TBATA: variants seen among roughly 807,000 people sequenced by gnomAD.
TBATA encodes thymus, brain and testes associated.
In TBATA, 47 loss-of-function variants were observed where a neutral mutation model predicts 38.7. The ratio of observed to expected loss-of-function variants is 1.21; its 90% CI spans 0.96 to 1.55. TBATA has a LOEUF of 1.55. Among genes scored for constraint, TBATA ranks in the 40% most tolerant of loss-of-function variants. TBATA has a pLI of 0.00. For missense variants in TBATA, 436 were observed against 435.6 expected (o/e 1.00, Z -0.01); for synonymous variants, 183 against 170.5 (o/e 1.07, Z -0.57).
chr10:70,779,480 C>A lies in TBATA; in HGVS notation c.427+113G>T. 2.4e-6 allele frequency: 3 copies of A among 1,248,348 alleles called. No individual in the cohort carries two copies. In the South Asian group the frequency reaches 6.9e-5, roughly 29 times the overall value. 77.3% of individuals were successfully genotyped at this position (1,248,348 alleles called of 1,614,324 possible). ...GAAAAAGTGGGGTTCCCCCAACGGA[C>A]CTCACTGACCTAAGAGCGATGGCCC... On this transcript the variant is annotated intron_variant, in intron 5 of 10. Transcript: ENST00000456372.
At chr10:70,774,608 C>T (rs543304629) in intron 8 of TBATA, among the ~76,000 whole-genome samples, 1 of 152,242 alleles carries the variant, frequency 6.6e-6, no homozygotes, top group Non-Finnish European at 1.5e-5. Flanking sequence ...GCCCTCCTGC[C>T]CACCATATCC....
chr10:70,771,728 G>T (rs1589361098), intron 10 of TBATA, among the ~76,000 whole-genome samples: 1 of 152,262 alleles, frequency 6.6e-6, no homozygotes, highest in East Asian at 1.9e-4. Flanking sequence ...GACCTTTGAT[G>T]GTCTAATCAG....
chr10:70,778,749 A>T (rs1474187403), intron 5 of TBATA, 113 bp from the exon 6 acceptor site: 4 of 929,476 alleles, frequency 4.3e-6, no homozygotes, highest in African/African-American at 3.2e-5. Flanking sequence ...CCCTGCCTGG[A>T]TCTTAAAGGG....
At position 70,774,364 on chromosome 10, in the gene TBATA, G is replaced by A. The variant is rs1843115334; in HGVS notation, c.776-7C>T. ...CCCAGAGCGAGGTCTTTTTCTGAAA[G>A]CACAGCCCGGGGGCAGTGTCCTCAG... On this transcript the variant is annotated splice_polypyrimidine_tract_variant and splice_region_variant and intron_variant, in intron 8 of 10. Transcript: ENST00000456372. 2.5e-6 allele frequency: 4 copies of A among 1,580,834 alleles called. No individual in the cohort carries two copies. The highest frequency in any genetic ancestry group is 1.3e-5 in the African/African-American group (1 of 74,666).
intron 10 of TBATA, among the ~76,000 whole-genome samples, 169 bp from the exon 11 acceptor site, chr10:70,771,630 C>T (rs190794305): frequency 1.3e-5 from 2 of 152,292 alleles, no homozygotes; most frequent in African/African-American, 4.8e-5. Context: ...AGGAATGGAG[C>T]GAATGGAATC....
rs375590189 is a variant in TBATA, at chr10:70,775,234, A to G, written c.730T>C (p.Leu244=). The change falls in exon 8 of 11, where the codon TTG becomes CTG. Residue 244 remains leucine (L), a synonymous_variant. Transcript: ENST00000456372. ...AGCCAGAACTGGATTGCGCTTAGCA[A>G]GTCTGTTTCCAGGATCCGACACAGG... is the stretch of plus-strand genomic sequence containing the variant. ...ELLCRILETD[L]LSAIQFWLLY... is the part of the protein sequence containing the mutation. 3.8e-5 allele frequency: 61 copies of G among 1,614,048 alleles called. No individual in the cohort carries two copies. Among genetic ancestry groups the G allele is most frequent in the Non-Finnish European group, 5.1e-5 (60 of 1,180,008 alleles).
chr10:70,783,359 CA>C lies in TBATA; in HGVS notation c.20del (p.Leu7TrpfsTer6), dbSNP rs527705303. The part of the protein sequence containing the change: MATDVQ[L>X]ADYPLMSPKA... ...CTCACCTCATCAGTGGATAATCAGC[CA>C]ATTGAACATCTGTAGCCATTGTATG... is the stretch of plus-strand genomic sequence containing the variant. On this transcript the variant is annotated frameshift_variant, in exon 3 of 11. Coordinates refer to ENST00000456372, the MANE Select transcript of TBATA (RefSeq NM_001318241.2). LOFTEE classifies it high-confidence loss of function. 41 of 1,614,142 alleles carry C rather than the reference CA, an allele frequency of 2.5e-5. No homozygotes were observed. The South Asian group carries it at 4.2e-4, about 16-fold the overall frequency.
At chr10:70,772,828 G>T (rs577302565) in intron 9 of TBATA, among the ~76,000 whole-genome samples, 1 of 152,310 alleles carries the variant, frequency 6.6e-6, no homozygotes, top group East Asian at 1.9e-4. Flanking sequence ...GGGAAGCAAG[G>T]CCCTCCTGTC....
Position 70,779,636 on chromosome 10 carries a change from G to A in TBATA, c.384C>T (p.Pro128=). Residue 128 remains proline, a synonymous_variant, in exon 5 of 11, where the codon CCC becomes CCT. Coordinates refer to ENST00000456372, the MANE Select transcript of TBATA (RefSeq NM_001318241.2). ...CQMGIPTISV[P]IGDPQSNRNP... Reference sequence around the variant, plus strand: ...TCCGATTAGACTGTGGGTCTCCAATGGGGACAGAGATGGTGGGTATCCCCA... The same window carrying A: ...TCCGATTAGACTGTGGGTCTCCAATAGGGACAGAGATGGTGGGTATCCCCA... The A allele has an allele frequency of 6.5e-7, 1 of 1,528,524 alleles. No individual in the cohort carries two copies. The highest frequency in any genetic ancestry group is 8.7e-7 in the Non-Finnish European group (1 of 1,146,568). The allele number at this position is 1,528,524 out of a possible 1,614,324, so 94.7% of individuals were successfully genotyped here.
intron 10 of TBATA, 100 bp from the exon 11 acceptor site, chr10:70,771,561 G>A: frequency 9.0e-7 from 1 of 1,108,286 alleles, no homozygotes; most frequent in Non-Finnish European, 1.3e-6. Flanking sequence ...GAAGGTCTGA[G>A]TCAAGCCCAG....
At chr10:70,771,747 A>G (rs989333553) in intron 10 of TBATA, among the ~76,000 whole-genome samples, 1 of 152,126 alleles carries the variant, frequency 6.6e-6, no homozygotes, top group Non-Finnish European at 1.5e-5. Flanking sequence ...AGGGAGAATA[A>G]TATACATTGA....
At chr10:70,779,533 G>A in intron 5 of TBATA, 60 bp downstream of exon 5, 1 of 1,425,218 alleles carries the variant, frequency 7.0e-7, no homozygotes, top group Non-Finnish European at 9.2e-7. Context: ...ACCCAAGTGA[G>A]GCAGCCTTGG....
chr10:70,771,510 C>A, intron 10 of TBATA, 49 bp from the exon 11 acceptor site: 1 of 1,586,538 alleles, frequency 6.3e-7, no homozygotes, highest in East Asian at 2.2e-5. Context: ...AAGGTGGGGC[C>A]CCCACCTGGG....
intron 7 of TBATA, among the ~76,000 whole-genome samples, chr10:70,775,487 A>T (rs10999535): frequency 0.15 from 22,789 of 152,186 alleles, 2,174 homozygotes; most frequent in Non-Finnish European, 0.21. Flanking sequence ...CAGGAGGAAG[A>T]TTCTTAATCT....
chr10:70,780,766 C>T (rs1427375527), intron 4 of TBATA, among the ~76,000 whole-genome samples: 1 of 152,178 alleles, frequency 6.6e-6, no homozygotes, highest in Non-Finnish European at 1.5e-5. Flanking sequence ...ACTCCAGTTT[C>T]CCAGGTGCTC....
In TBATA at chr10:70,777,190, CCTT is replaced by C; in HGVS notation, c.653_655del (p.Glu218del). The C allele has an allele frequency of 6.2e-7, 1 of 1,613,360 alleles. No homozygotes were observed. Among genetic ancestry groups the C allele is most frequent in the Non-Finnish European group, 8.5e-7 (1 of 1,179,946 alleles). On this transcript the variant is annotated inframe_deletion, in exon 7 of 11. Transcript: ENST00000456372. Reference sequence around the variant, plus strand: ...ATCCTGAAGGAGGAAAGCCTGGACTCCTTCATGTCTGCTGGAAGACTGACTCTG... The same window carrying C: ...ATCCTGAAGGAGGAAAGCCTGGACTCCATGTCTGCTGGAAGACTGACTCTG...
chr10:70,781,786 C>A lies in TBATA; in HGVS notation c.277+15G>T, dbSNP rs1844248376. The A allele has an allele frequency of 6.2e-7, 1 of 1,610,534 alleles. No individual in the cohort carries two copies. Among genetic ancestry groups the A allele is most frequent in the Admixed American group, 1.7e-5 (1 of 59,990 alleles). ...GATACTCCCTCTGCTCCCACCCCAACCAGCCAGGCCCTACCTTGGATGTGG... is the reference window on the plus strand; with the variant it reads ...GATACTCCCTCTGCTCCCACCCCAAACAGCCAGGCCCTACCTTGGATGTGG... On this transcript the variant is annotated intron_variant, in intron 4 of 10. Transcript: ENST00000456372.
intron 7 of TBATA, among the ~76,000 whole-genome samples, chr10:70,775,554 G>T (rs919811909): frequency 6.6e-6 from 1 of 152,178 alleles, no homozygotes; most frequent in African/African-American, 2.4e-5. Flanking sequence ...GCAGGTAGTT[G>T]GTGGCAGGAC....
Position 70,777,206 on chromosome 10 carries a change from A to C in TBATA, c.640T>G (p.Ser214Ala), listed in dbSNP as rs749028035. The C allele has an allele frequency of 1.9e-6, 3 of 1,613,548 alleles. No homozygotes were observed. The highest frequency in any genetic ancestry group is 2.2e-5 in the South Asian group (2 of 91,088). Residue 214 changes from serine (S) to alanine (A), a missense_variant, in exon 7 of 11, where the codon TCC becomes GCC. By Grantham distance (99) the Ser-to-Ala change is moderately conservative (BLOSUM62 1). Transcript: ENST00000456372. ...GCCTGGACTCCTTCATGTCTGCTGGAAGACTGACTCTGCTGGCCCTGGTGA... is the reference window on the plus strand; with the variant it reads ...GCCTGGACTCCTTCATGTCTGCTGGCAGACTGACTCTGCTGGCCCTGGTGA... ...RSHQGQQSQS[S>A]SRHEGVQAFL...
Sources: gnomAD v4.1 joint callset for allele counts (sites outside exome capture counted in the v4.1 genomes callset) on GRCh38, gnomAD v4.1.1 for gene constraint, MANE v1.5 for transcripts, NCBI Gene and HGNC (gene_info 2026-07-23, HGNC 2026-07-21) for gene names.